The following CACNG2 variants were observed in gnomAD, a reference collection of about 807,000 sequenced individuals.
CACNG2 encodes calcium voltage-gated channel auxiliary subunit gamma 2, also known as voltage-dependent calcium channel gamma-2 subunit.
In CACNG2, 3 loss-of-function variants were observed where a neutral mutation model predicts 25.9. That is an observed-to-expected ratio of 0.12 (90% CI 0.05 to 0.30). The LOEUF (loss-of-function observed/expected upper bound fraction) is 0.30, where lower values mean the gene tolerates loss of function less well. Among genes scored for constraint, CACNG2 ranks in the 10% least tolerant of loss-of-function variants. CACNG2 has a pLI of 1.00. For synonymous variants in CACNG2, 167 were observed against 173.3 expected (o/e 0.96, Z 0.29); for missense variants, 341 against 432.5 (o/e 0.79, Z 1.88).
At chr22:36,640,686 C>T (rs956092842) in intron 1 of CACNG2, among the ~76,000 whole-genome samples, 2 of 152,238 alleles carry the variant, frequency 1.3e-5, no homozygotes, top group African/African-American at 4.8e-5. Context: ...GCAGCTGTCT[C>T]CCAAAGGGCC....
At chr22:36,578,230 G>T (rs1696267615) in intron 2 of CACNG2, among the ~76,000 whole-genome samples, 1 of 151,998 alleles carries the variant, frequency 6.6e-6, no homozygotes, top group Non-Finnish European at 1.5e-5. Flanking sequence ...AGCTGGGTGT[G>T]ATGGCGTGCA....
chr22:36,680,598 TCATGGCTATAATTACTAC>T (rs1400915815), intron 1 of CACNG2, among the ~76,000 whole-genome samples: 4 of 104,954 alleles, frequency 3.8e-5, no homozygotes, highest in Admixed American at 1.0e-4. Flanking sequence ...ACCACCTGCA[TCATGGCTATAATTACTAC>T]CACCATCACC....
intron 1 of CACNG2, among the ~76,000 whole-genome samples, chr22:36,598,230 A>G: frequency 6.6e-6 from 1 of 152,216 alleles, no homozygotes; most frequent in South Asian, 2.1e-4. Flanking sequence ...ACTGTACTAC[A>G]CATTTCCATT....
In CACNG2 at chr22:36,645,468, C is replaced by T. The variant is rs1405563362; in HGVS notation, c.211+56898G>A. Among the ~76,000 whole-genome samples, 4 of 146,292 alleles carry T rather than the reference C, an allele frequency of 2.7e-5. No individual in the cohort carries two copies. In the East Asian group the frequency reaches 6.1e-4, roughly 22 times the overall value. On this transcript the variant is annotated intron_variant, in intron 1 of 3. Transcript: ENST00000300105. ...AGGAGAATGGCATGAACCCCAGAGG[C>T]GGAGCTTGCAGTGAGCTGAGATCGC...
intron 1 of CACNG2, among the ~76,000 whole-genome samples, chr22:36,658,095 T>C (rs1210966026): frequency 3.3e-5 from 5 of 152,130 alleles, no homozygotes; most frequent in Non-Finnish European, 7.4e-5. Context: ...AGGTACTGGT[T>C]TGCATCAGGG....
At chr22:36,605,743 C>T (rs535445193) in intron 1 of CACNG2, among the ~76,000 whole-genome samples, 20 of 152,142 alleles carry the variant, frequency 1.3e-4, no homozygotes, top group African/African-American at 3.6e-4. Flanking sequence ...GCCCCACGGT[C>T]GGGGCACAGA....
chr22:36,654,876 T>G (rs920635436), intron 1 of CACNG2, among the ~76,000 whole-genome samples: 2 of 152,122 alleles, frequency 1.3e-5, no homozygotes, highest in Admixed American at 1.3e-4. Flanking sequence ...GTTCCTATCC[T>G]AATTTAGTTT....
Position 36,606,657 on chromosome 22 carries a change from G to A in CACNG2, c.212-19109C>T, listed in dbSNP as rs533356900. On this transcript the variant is annotated intron_variant, in intron 1 of 3. Transcript: ENST00000300105. This position sits in a 1 kb window ranked among gnomAD's most constrained non-coding sequence, Gnocchi z 5.7. ...GGCAGATGAAAGGGAGGGCAGGGAG[G>A]TGTTTGAGAGAAGAGCAAGTGAGGG... Among the ~76,000 whole-genome samples, 2 of 152,220 alleles carry A rather than the reference G, an allele frequency of 1.3e-5. No individual in the cohort carries two copies. Among genetic ancestry groups the A allele is most frequent in the East Asian group, 3.9e-4 (2 of 5,182 alleles).
At chr22:36,604,117 T>C (rs955216406) in intron 1 of CACNG2, among the ~76,000 whole-genome samples, 9 of 152,118 alleles carry the variant, frequency 5.9e-5, no homozygotes, top group Non-Finnish European at 1.3e-4. Flanking sequence ...TTTGGAAGAA[T>C]TGGTTCCAAC....
intron 2 of CACNG2, among the ~76,000 whole-genome samples, chr22:36,575,317 T>C (rs1935294953): frequency 6.6e-6 from 1 of 152,190 alleles, no homozygotes; most frequent in Non-Finnish European, 1.5e-5. Flanking sequence ...CTGAGCTATC[T>C]GTTCTTTGCA....
chr22:36,673,757 C>T (rs542142710), intron 1 of CACNG2, among the ~76,000 whole-genome samples: 24 of 152,090 alleles, frequency 1.6e-4, no homozygotes, highest in Non-Finnish European at 2.9e-4. Context: ...ATGAGGCCCT[C>T]ACGTGGACAG....
At chr22:36,693,464 C>T (rs1487126653) in intron 1 of CACNG2, among the ~76,000 whole-genome samples, 3 of 152,148 alleles carry the variant, frequency 2.0e-5, no homozygotes, top group Non-Finnish European at 4.4e-5. Flanking sequence ...TCTCATCAGC[C>T]CTGACCCACT....
intron 1 of CACNG2, among the ~76,000 whole-genome samples, chr22:36,625,615 C>A (rs973086422): frequency 6.6e-6 from 1 of 152,176 alleles, no homozygotes; most frequent in East Asian, 1.9e-4. Context: ...CCGATGATAG[C>A]AGCTAATTTG....
At chr22:36,637,495 G>C (rs1486272762) in intron 1 of CACNG2, among the ~76,000 whole-genome samples, 1 of 152,146 alleles carries the variant, frequency 6.6e-6, no homozygotes, top group African/African-American at 2.4e-5. Context: ...CAGTGATCAG[G>C]GGGGCAGCTT....
rs79507639 is a variant in CACNG2 at position 36,644,302 on chromosome 22, G to C, written c.212-56754C>G. Among the ~76,000 whole-genome samples the C allele has an allele frequency of 2.0e-5, 3 of 152,290 alleles. No individual in the cohort carries two copies. In the East Asian group the frequency reaches 5.8e-4, roughly 29 times the overall value. On this transcript the variant is annotated intron_variant, in intron 1 of 3. Transcript: ENST00000300105. ...TCATAAAAGCATGATCTTTGTAAGA[G>C]AAAGGAGGAGCAACAATCCCCATTA...
At chr22:36,676,961 T>TGC (rs1937028174) in intron 1 of CACNG2, among the ~76,000 whole-genome samples, 1 of 151,484 alleles carries the variant, frequency 6.6e-6, no homozygotes, top group Non-Finnish European at 1.5e-5. Context: ...TGTGTGTGTG[T>TGC]GTGTGTGTTT....
chr22:36,630,286 T>C (rs1936248469), intron 1 of CACNG2, among the ~76,000 whole-genome samples: 1 of 152,124 alleles, frequency 6.6e-6, no homozygotes, highest in Non-Finnish European at 1.5e-5. Context: ...AGGTAGAAGC[T>C]GTGGGCGTGG....
At chr22:36,626,215 C>G (rs530028449) in intron 1 of CACNG2, among the ~76,000 whole-genome samples, 1 of 152,172 alleles carries the variant, frequency 6.6e-6, no homozygotes, top group Non-Finnish European at 1.5e-5. Context: ...CCACCGCACC[C>G]GGCGACACCT....
At chr22:36,654,773 C>A (rs1359052044) in intron 1 of CACNG2, among the ~76,000 whole-genome samples, 1 of 152,172 alleles carries the variant, frequency 6.6e-6, no homozygotes, top group Non-Finnish European at 1.5e-5. Flanking sequence ...TCATGAGGAT[C>A]TTCTAGAACT....
Sources: allele counts gnomAD v4.1 joint callset (sites outside exome capture counted in the v4.1 genomes callset), GRCh38; gene constraint gnomAD v4.1.1; non-coding constraint Gnocchi (gnomAD v3.1); transcripts MANE v1.5; gene names NCBI Gene and HGNC (gene_info 2026-07-23, HGNC 2026-07-21).